The following TTLL8 variants were observed in gnomAD, a reference collection of about 807,000 sequenced individuals.
TTLL8 encodes the protein tubulin tyrosine ligase like 8, also known as protein monoglycylase TTLL8.
Under a neutral mutation model 77.8 loss-of-function variants are expected in TTLL8, and 65 were observed. The ratio of observed to expected loss-of-function variants is 0.84; its 90% confidence interval spans 0.68 to 1.03. The LOEUF is 1.03. Ranked by LOEUF, TTLL8 falls within the 50% of genes least tolerant of loss-of-function variation. The pLI, the probability that TTLL8 is intolerant of heterozygous loss-of-function variation, is 0.00. For missense variants in TTLL8, 910 were observed against 1,004.5 expected, an observed-to-expected ratio of 0.91 and a Z score of 1.27; for synonymous variants, 402 against 422.8, an observed-to-expected ratio of 0.95 and a Z score of 0.60.
chr22:50,048,428 CT>C (rs1401586616), intron 3 of TTLL8, among the ~76,000 whole-genome samples: 1 of 152,126 alleles, frequency 6.6e-6, no homozygotes, highest in Admixed American at 6.5e-5. Flanking sequence ...ACCCTCGCCC[CT>C]GGGTGAGGAC....
chr22:50,034,331 G>A lies in TTLL8; in HGVS notation c.1039+14C>T. 2.2e-6 allele frequency: 3 copies of A among 1,362,500 alleles called. No homozygotes were observed. Among genetic ancestry groups the A allele is most frequent in the Non-Finnish European group, 2.9e-6 (3 of 1,020,362 alleles). 84.4% of individuals were successfully genotyped at this position (1,362,500 alleles called of 1,614,324 possible). The stretch of plus-strand genomic sequence containing the variant: ...CGTTGGTGGCTATGAACGCGGTGCA[G>A]GGAGCATCCGCACCAGGGGACTCAC... On this transcript the variant is annotated intron_variant, in intron 9 of 13. Transcript: ENST00000266182. The surrounding 1 kb of genome is among the most constrained non-coding windows in gnomAD (Gnocchi z 4.1).
At chr22:50,053,371 C>G (rs1233431987) in intron 1 of TTLL8, among the ~76,000 whole-genome samples, 2 of 151,980 alleles carry the variant, frequency 1.3e-5, no homozygotes, top group Non-Finnish European at 2.9e-5. Context: ...AAAACAAGAA[C>G]AATATAACTA....
rs758608796 is a variant in TTLL8 at position 50,033,348 on chromosome 22, G to A, written c.1137C>T (p.Ile379=). 26 of 1,365,152 alleles carry A rather than the reference G, an allele frequency of 1.9e-5. 1 individual carries two copies. The highest frequency in any genetic ancestry group is 1.9e-5 in the Admixed American group (1 of 52,346). The allele number at this position is 1,365,152 out of a possible 1,614,324, so 84.6% of individuals were successfully genotyped here. ...TGTCACAGATGAGCAGCGGCGTCTC[G>A]ATGTACTTCTGGACCACCCACTTGT... The change falls in exon 10 of 14, where the codon ATC becomes ATT. Residue 379 remains isoleucine (I), a synonymous_variant. Coordinates refer to ENST00000266182, the Ensembl canonical transcript of TTLL8.
At chr22:50,030,281 G>A (rs1337413360) in intron 12 of TTLL8, 149 bp downstream of exon 13, 1 of 1,080,086 alleles carries the variant, frequency 9.3e-7, no homozygotes, top group African/African-American at 1.7e-5. Flanking sequence ...CCCGGCTCCC[G>A]CCGGCGCCTC....
chr22:50,045,416 A>T, intron 5 of TTLL8, 27 bp from the exon 8 acceptor site: 1 of 1,362,612 alleles, frequency 7.3e-7, no homozygotes, highest in Non-Finnish European at 9.8e-7. Context: ...GCCTCGCCCT[A>T]TCTGTCCGAG....
At chr22:50,019,659 G>A (rs1328117523) in intron 12 of TTLL8, among the ~76,000 whole-genome samples, 1 of 152,194 alleles carries the variant, frequency 6.6e-6, no homozygotes, top group Non-Finnish European at 1.5e-5. Context: ...ACCTTCAGAT[G>A]AGGCTGCCTC....
rs550961738 is a variant in TTLL8, at chr22:50,050,237, ATCT to A, written c.59_61del (p.Lys20del). 1.9e-4 allele frequency: 254 copies of A among 1,331,544 alleles called. 1 individual carries two copies. Among genetic ancestry groups the A allele is most frequent in the South Asian group, 1.4e-3 (117 of 82,902 alleles). 82.5% of individuals were successfully genotyped at this position (1,331,544 alleles called of 1,614,324 possible). On this transcript the variant is annotated inframe_deletion, in exon 2 of 14. Coordinates refer to ENST00000266182, the Ensembl canonical transcript of TTLL8. ...CGGGTAGTGTCCGTAGATAGAGAAAATCTTCTTCTCCTAAAATGGCAAGAGGAT... is the reference window on the plus strand; with the variant it reads ...CGGGTAGTGTCCGTAGATAGAGAAAATCTTCTCCTAAAATGGCAAGAGGAT...
Position 50,022,087 on chromosome 22 carries a change from C to G in TTLL8, c.2204-5525G>C, listed in dbSNP as rs575395807. 1.9e-4 allele frequency among the ~76,000 whole-genome samples: 29 copies of G among 151,378 alleles called. No homozygotes were observed. The East Asian group carries it at 5.7e-3, about 30-fold the overall frequency. ...CTCCTCCATCTGACGACATGCACTC[C>G]TCCATCTGACGTGCACTCCTCCATC... On this transcript the variant is annotated intron_variant, in intron 12 of 13. Coordinates refer to ENST00000266182, the Ensembl canonical transcript of TTLL8.
chr22:50,053,326 A>C (rs1176985057), intron 1 of TTLL8, among the ~76,000 whole-genome samples: 4 of 152,186 alleles, frequency 2.6e-5, no homozygotes, highest in Non-Finnish European at 5.9e-5. Context: ...AACATTGCAC[A>C]TAGCACATTC....
intron 8 of TTLL8, among the ~76,000 whole-genome samples, chr22:50,036,234 C>A (rs1197251173): frequency 6.6e-6 from 1 of 152,194 alleles, no homozygotes; most frequent in African/African-American, 2.4e-5. Context: ...CGGCAGCAGC[C>A]GGGAATCTCC....
At chr22:50,030,662 T>G in exon 12 of TTLL8, 1 of 1,281,684 alleles carries the variant, frequency 7.8e-7, no homozygotes, top group African/African-American at 1.5e-5. Flanking sequence ...CGCTCTCGGC[T>G]GCCCCCCTTA....
chr22:50,029,449 AC>A lies in TTLL8; in HGVS notation c.2203+980del, dbSNP rs906061065. Among the ~76,000 whole-genome samples the A allele has an allele frequency of 8.0e-5, 12 of 150,704 alleles. 1 individual carries two copies. Among genetic ancestry groups the A allele is most frequent in the African/African-American group, 2.4e-4 (10 of 40,916 alleles). The stretch of plus-strand genomic sequence containing the variant: ...AAGACCCCATCACACCGTCCTAAAG[AC>A]CCCCCCTATTGCCGGGCGCGGTGGC... On this transcript the variant is annotated intron_variant, in intron 12 of 13. Coordinates refer to ENST00000266182, the Ensembl canonical transcript of TTLL8.
Position 50,041,722 on chromosome 22 carries a change from C to T in TTLL8, c.729G>A (p.Gly243=). ...TGTCGATGTCCTCATGCTCCAGCTG[C>T]CCCAGGTAGGCCTGGCACACCTTGC... The change falls in exon 7 of 14, where the codon GGG becomes GGA. Residue 243 remains glycine, a synonymous_variant. Coordinates refer to ENST00000266182, the Ensembl canonical transcript of TTLL8. This position sits in a 1 kb window ranked among gnomAD's most constrained non-coding sequence, Gnocchi z 4.3. 1 of 1,366,508 alleles carries T rather than the reference C, an allele frequency of 7.3e-7. No homozygotes were observed. Among genetic ancestry groups the T allele is most frequent in the East Asian group, 4.6e-5 (1 of 21,968 alleles). 84.6% of individuals were successfully genotyped at this position (1,366,508 alleles called of 1,614,324 possible).
intron 12 of TTLL8, among the ~76,000 whole-genome samples, chr22:50,029,693 G>T (rs62231924): frequency 0.16 from 23,834 of 151,936 alleles, 2,116 homozygotes; most frequent in Non-Finnish European, 0.2. Flanking sequence ...ATCGCGCCAC[G>T]GCACTTCAGC....
At position 50,026,765 on chromosome 22, in the gene TTLL8, A is replaced by G. The variant is rs2061232016; in HGVS notation, c.2203+3665T>C. Among the ~76,000 whole-genome samples the G allele has an allele frequency of 2.0e-5, 3 of 152,200 alleles. No homozygotes were observed. The South Asian group carries it at 6.2e-4, about 31-fold the overall frequency. On this transcript the variant is annotated intron_variant, in intron 12 of 13. Transcript: ENST00000266182. The stretch of plus-strand genomic sequence containing the variant: ...TGTAGGTAAGTCATACCTTCACAAG[A>G]CCGTTTGGAAAGAGATACTATTTAC...
At chr22:50,046,928 T>C (rs1569232347) in intron 4 of TTLL8, among the ~76,000 whole-genome samples, 1 of 152,192 alleles carries the variant, frequency 6.6e-6, no homozygotes, top group African/African-American at 2.4e-5. Context: ...CTCTGTGCCC[T>C]GAGGAGGGAG....
chr22:50,034,488 G>A lies in TTLL8; in HGVS notation c.922-26C>T, dbSNP rs1427273312. 1 of 1,361,876 alleles carries A rather than the reference G, an allele frequency of 7.3e-7. No individual in the cohort carries two copies. Among genetic ancestry groups the A allele is most frequent in the Non-Finnish European group, 9.8e-7 (1 of 1,020,022 alleles). 84.4% of individuals were successfully genotyped at this position (1,361,876 alleles called of 1,614,324 possible). ...CTGCGAAAAGTAATTTCTTGAATTG[G>A]AGATGAAAGCATCGCCACTACAAAG... On this transcript the variant is annotated intron_variant, in intron 8 of 13. Coordinates refer to ENST00000266182, the Ensembl canonical transcript of TTLL8. This position sits in a 1 kb window ranked among gnomAD's most constrained non-coding sequence, Gnocchi z 4.1.
At chr22:50,056,417 C>T (rs181546533), upstream of TTLL8, among the ~76,000 whole-genome samples, 6 of 152,136 alleles carry the variant, frequency 3.9e-5, no homozygotes, top group Non-Finnish European at 8.8e-5. This position sits in a 1 kb window ranked among gnomAD's most constrained non-coding sequence, Gnocchi z 4.1. Flanking sequence ...GCGGGGGCAC[C>T]GGAGCTCTCG....
In TTLL8 at chr22:50,047,958, G is replaced by A. The variant is rs543305023; in HGVS notation, c.265-662C>T. On this transcript the variant is annotated intron_variant, in intron 3 of 13. Coordinates refer to ENST00000266182, the Ensembl canonical transcript of TTLL8. ...CTAAAAATACAAAAATTAGCCGGGC[G>A]TGGTGGCGGGCGCCTGTAATCCCAA... 6.7e-4 allele frequency among the ~76,000 whole-genome samples: 102 copies of A among 152,204 alleles called. 1 individual carries two copies. The South Asian group carries it at 0.016, about 24-fold the overall frequency.
Sources: gnomAD v4.1 joint callset for allele counts (sites outside exome capture counted in the v4.1 genomes callset) on GRCh38, gnomAD v4.1.1 for gene constraint, Gnocchi (gnomAD v3.1) non-coding constraint, MANE v1.5 for transcripts, NCBI Gene and HGNC (gene_info 2026-07-23, HGNC 2026-07-21) for gene names.